Variants in APBB1IP observed in about 807,000 individuals in gnomAD.
APBB1IP encodes the protein amyloid beta A4 precursor protein-binding family B member 1-interacting protein.
Under a neutral mutation model 64.9 loss-of-function variants are expected in APBB1IP, and 27 were observed. The ratio of observed to expected loss-of-function variants is 0.42; its 90% CI spans 0.31 to 0.57. The LOEUF is 0.57. APBB1IP is among the 20% of genes least tolerant of loss of function. The pLI, the probability that APBB1IP is intolerant of heterozygous loss-of-function variation, is 0.20. For missense variants in APBB1IP, 812 were observed against 845.5 expected, an observed-to-expected ratio of 0.96 and a Z score of 0.49; for synonymous variants, 392 against 331.0, an observed-to-expected ratio of 1.18 and a Z score of -2.00.
At chr10:26,465,297 T>C (rs1285031992) in intron 2 of APBB1IP, among the ~76,000 whole-genome samples, 1 of 152,240 alleles carries the variant, frequency 6.6e-6, no homozygotes, top group Non-Finnish European at 1.5e-5. Context: ...CCTTCATTGC[T>C]TCATGAATGT....
intron 10 of APBB1IP, among the ~76,000 whole-genome samples, chr10:26,539,232 G>C (rs1836666693): frequency 6.6e-6 from 1 of 152,080 alleles, no homozygotes; most frequent in Non-Finnish European, 1.5e-5. Flanking sequence ...GAAACATAGG[G>C]AGACCCTGTC....
At chr10:26,482,964 G>A (rs997995395) in intron 2 of APBB1IP, among the ~76,000 whole-genome samples, 1 of 150,618 alleles carries the variant, frequency 6.6e-6, no homozygotes, top group Non-Finnish European at 1.5e-5. Flanking sequence ...GGTGGCCGGT[G>A]CCTGTAATCC....
chr10:26,511,664 A>G (rs193049150), intron 6 of APBB1IP, 83 bp from the exon 7 acceptor site: 105 of 1,521,854 alleles, frequency 6.9e-5, no homozygotes, highest in Non-Finnish European at 8.0e-5. Flanking sequence ...ATTTGCAGAA[A>G]CAATAGCAAC....
At position 26,567,023 on chromosome 10, in the gene APBB1IP, C is replaced by T. The variant is rs370823830; in HGVS notation, c.1536C>T (p.Pro512=). The T allele has an allele frequency of 4.2e-5, 66 of 1,564,166 alleles. No homozygotes were observed. Among genetic ancestry groups the T allele is most frequent in the Non-Finnish European group, 5.4e-5 (63 of 1,165,888 alleles). The change falls in exon 15 of 15, where the codon CCC becomes CCT. Residue 512 remains proline (P), a synonymous_variant. Coordinates refer to ENST00000376236, the MANE Select transcript of APBB1IP (RefSeq NM_019043.4). ...DPAVPRAPHA[P]KSSLPPPPPV... The stretch of plus-strand genomic sequence containing the variant: ...CAGTGCCCCGGGCCCCGCACGCCCC[C>T]AAGTCCAGCCTGCCCCCGCCCCCTC...
At chr10:26,507,079 G>A (rs1443514208) in intron 6 of APBB1IP, among the ~76,000 whole-genome samples, 1 of 152,122 alleles carries the variant, frequency 6.6e-6, no homozygotes, top group Non-Finnish European at 1.5e-5. Flanking sequence ...GGACAGAGAG[G>A]CAGCTGGGAG....
intron 8 of APBB1IP, among the ~76,000 whole-genome samples, chr10:26,523,763 G>C (rs1836434480): frequency 6.6e-6 from 1 of 151,890 alleles, no homozygotes; most frequent in African/African-American, 2.4e-5. Flanking sequence ...GAGGCTAGGA[G>C]TTCAACACCA....
chr10:26,540,974 G>A (rs1006699584), intron 10 of APBB1IP, among the ~76,000 whole-genome samples: 2 of 150,950 alleles, frequency 1.3e-5, no homozygotes, highest in Non-Finnish European at 2.9e-5. Flanking sequence ...AATCCATCAC[G>A]GACTTAGAAT....
chr10:26,563,486 A>G (rs1836999765), intron 14 of APBB1IP, among the ~76,000 whole-genome samples: 1 of 152,180 alleles, frequency 6.6e-6, no homozygotes, highest in South Asian at 2.1e-4. Context: ...CCAAATTGGT[A>G]TAATTCTCCA....
intron 11 of APBB1IP, among the ~76,000 whole-genome samples, chr10:26,543,679 T>C (rs779535769): frequency 1.3e-5 from 2 of 151,902 alleles, no homozygotes; most frequent in African/African-American, 2.4e-5. Flanking sequence ...CAAAAAAATA[T>C]GCAATGTGAT....
At chr10:26,552,010 T>A (rs1054321560) in intron 11 of APBB1IP, among the ~76,000 whole-genome samples, 2 of 152,160 alleles carry the variant, frequency 1.3e-5, no homozygotes, top group Admixed American at 1.3e-4. Flanking sequence ...CTTCAAAACA[T>A]GGTTCAGGGC....
chr10:26,496,349 A>C lies in APBB1IP; in HGVS notation c.118A>C (p.Arg40=). The C allele has an allele frequency of 6.2e-7, 1 of 1,613,220 alleles. No homozygotes were observed. The highest frequency in any genetic ancestry group is 8.5e-7 in the Non-Finnish European group (1 of 1,179,426). The part of the protein sequence containing the change: ...TLPPPDPNPP[R]AEFNYSVGFK... ...CCCTCCTCCTGACCCTAATCCACCC[A>C]GAGCTGAATTTAACTACAGTGTGGG... The change falls in exon 4 of 15, where the codon AGA becomes CGA. Residue 40 remains arginine (R), a synonymous_variant. Transcript: ENST00000376236.
At chr10:26,562,044 T>C in intron 13 of APBB1IP, 1 of 294,652 alleles carries the variant, frequency 3.4e-6, no homozygotes, top group East Asian at 7.9e-5. Flanking sequence ...CCCTCCTCAG[T>C]GGGCTTTATC....
intron 2 of APBB1IP, among the ~76,000 whole-genome samples, chr10:26,478,342 G>A (rs1243274242): frequency 6.6e-6 from 1 of 152,222 alleles, no homozygotes; most frequent in African/African-American, 2.4e-5. Flanking sequence ...CAGTGAGTGG[G>A]GCGGGAGGAT....
chr10:26,494,211 C>T (rs1039785979), intron 3 of APBB1IP, among the ~76,000 whole-genome samples: 1 of 152,112 alleles, frequency 6.6e-6, no homozygotes, highest in Non-Finnish European at 1.5e-5. Flanking sequence ...GAAAAAAGCC[C>T]CTGGCATCAA....
intron 12 of APBB1IP, among the ~76,000 whole-genome samples, chr10:26,560,521 T>C (rs1350804312): frequency 6.6e-6 from 1 of 152,192 alleles, no homozygotes; most frequent in Non-Finnish European, 1.5e-5. Context: ...AATATGTAGG[T>C]GAAAAAATTA....
In APBB1IP at chr10:26,488,241, A is replaced by T. The variant is rs1041759890; in HGVS notation, c.1-4086A>T. ...AAATACTTTCTGCCATTTTGTAGGA[A>T]TTTTTTTTTTTTTTGAGAGAGTCTC... On this transcript the variant is annotated intron_variant, in intron 2 of 14. Coordinates refer to ENST00000376236, the MANE Select transcript of APBB1IP (RefSeq NM_019043.4). Among the ~76,000 whole-genome samples, 86 of 146,518 alleles carry T rather than the reference A, an allele frequency of 5.9e-4. No individual in the cohort carries two copies. The Middle Eastern group carries it at 0.011, about 18-fold the overall frequency.
intron 5 of APBB1IP, chr10:26,502,079 A>G (rs573232952): frequency 6.6e-6 from 1 of 152,312 alleles, no homozygotes; most frequent in Admixed American, 6.5e-5. Context: ...TACAAAGTTG[A>G]ATGGACTTGT....
At chr10:26,534,287 C>A (rs1380040276) in intron 9 of APBB1IP, among the ~76,000 whole-genome samples, 1 of 93,930 alleles carries the variant, frequency 1.1e-5, no homozygotes, top group African/African-American at 4.3e-5. Flanking sequence ...AAAGCAAGAT[C>A]CAGTCTCAAA....
intron 11 of APBB1IP, among the ~76,000 whole-genome samples, chr10:26,551,657 G>A (rs1564376483): frequency 2.0e-5 from 3 of 152,150 alleles, no homozygotes; most frequent in Non-Finnish European, 4.4e-5. Context: ...CTGGAATTCC[G>A]CCCCGTCGCT....
Sources: gnomAD v4.1 joint callset for allele counts (sites outside exome capture counted in the v4.1 genomes callset) on GRCh38, gnomAD v4.1.1 for gene constraint, MANE v1.5 for transcripts, NCBI Gene and HGNC (gene_info 2026-07-23, HGNC 2026-07-21) for gene names.